The following GRID2 variants were observed in gnomAD, a reference collection of about 807,000 sequenced individuals.
GRID2 encodes the protein glutamate receptor ionotropic, delta-2.
Under a neutral mutation model 114.8 loss-of-function variants are expected in GRID2, and 33 were observed. That is an observed-to-expected ratio of 0.29 (90% confidence interval 0.22 to 0.38). GRID2 has a LOEUF of 0.38. Among genes scored for constraint, GRID2 ranks in the 10% least tolerant of loss-of-function variants. The pLI is 1.00. For synonymous variants in GRID2, 505 were observed against 449.9 expected, an observed-to-expected ratio of 1.12 and a Z score of -1.55; for missense variants, 1,184 against 1,257.7, an observed-to-expected ratio of 0.94 and a Z score of 0.89.
intron 14 of GRID2, among the ~76,000 whole-genome samples, chr4:93,736,807 A>G (rs1435667709): frequency 1.8e-5 from 2 of 111,124 alleles, no homozygotes; most frequent in Admixed American, 1.9e-4. Flanking sequence ...GCATGGCTCC[A>G]ATTTTTTTTT....
intron 14 of GRID2, among the ~76,000 whole-genome samples, chr4:93,676,637 C>G (rs1290881125): frequency 6.6e-6 from 1 of 151,316 alleles, no homozygotes; most frequent in East Asian, 1.9e-4. Context: ...ATAAAAACAC[C>G]TTCCTGTGTC....
intron 13 of GRID2, among the ~76,000 whole-genome samples, chr4:93,612,006 G>A (rs1164270573): frequency 6.6e-6 from 1 of 150,818 alleles, no homozygotes; most frequent in African/African-American, 2.4e-5. Context: ...CTCCTGTATT[G>A]GGTGCATAAA....
intron 8 of GRID2, among the ~76,000 whole-genome samples, chr4:93,367,487 T>C (rs951491792): frequency 2.0e-5 from 3 of 152,182 alleles, no homozygotes; most frequent in African/African-American, 7.2e-5. Flanking sequence ...TGAAACATTA[T>C]TGTGAAAATT....
chr4:92,711,339 C>T (rs1735237749), intron 2 of GRID2, among the ~76,000 whole-genome samples: 1 of 152,114 alleles, frequency 6.6e-6, no homozygotes, highest in African/African-American at 2.4e-5. Context: ...AAATCAACAT[C>T]TCATCTCACT....
chr4:92,740,116 C>A (rs1736801856), intron 2 of GRID2, among the ~76,000 whole-genome samples: 1 of 152,058 alleles, frequency 6.6e-6, no homozygotes, highest in Non-Finnish European at 1.5e-5. Flanking sequence ...ATTTTCTTTT[C>A]TCTGCTTTGG....
intron 8 of GRID2, among the ~76,000 whole-genome samples, chr4:93,241,802 TA>T (rs78539388): frequency 0.078 from 10,133 of 130,590 alleles, 442 homozygotes; most frequent in African/African-American, 0.15. Flanking sequence ...AGTAGAAAAG[TA>T]AAAAAAAAAA....
chr4:92,329,378 C>T (rs1209572714), intron 1 of GRID2, among the ~76,000 whole-genome samples: 1 of 151,968 alleles, frequency 6.6e-6, no homozygotes, highest in Non-Finnish European at 1.5e-5. Flanking sequence ...ATTTTAGCTT[C>T]CCCAGAGTCA....
In GRID2 at chr4:92,935,314, G is replaced by A. The variant is rs1436804770; in HGVS notation, c.245-149681G>A. Among the ~76,000 whole-genome samples the A allele has an allele frequency of 1.4e-5, 2 of 147,248 alleles. 1 individual carries two copies. The highest frequency in any genetic ancestry group is 1.5e-4 in the Admixed American group (2 of 13,666). ...CACTATCACTGGCCATCAGAGAAATGCAAATCAAAACCACAATGAGATACC... is the reference window on the plus strand; with the variant it reads ...CACTATCACTGGCCATCAGAGAAATACAAATCAAAACCACAATGAGATACC... On this transcript the variant is annotated intron_variant, in intron 2 of 15. Coordinates refer to ENST00000282020, the MANE Select transcript of GRID2 (RefSeq NM_001510.4).
intron 15 of GRID2, among the ~76,000 whole-genome samples, chr4:93,770,166 G>C (rs1054406267): frequency 5.3e-5 from 8 of 152,172 alleles, no homozygotes. Flanking sequence ...AAGAAAATCT[G>C]AAGCTAAATC....
chr4:92,494,640 G>T (rs1305182079), intron 1 of GRID2, among the ~76,000 whole-genome samples: 1 of 151,992 alleles, frequency 6.6e-6, no homozygotes, highest in African/African-American at 2.4e-5. Flanking sequence ...TGATATAATT[G>T]CTGGCACACA....
chr4:93,592,131 T>C (rs957819173), intron 13 of GRID2, among the ~76,000 whole-genome samples: 2 of 152,206 alleles, frequency 1.3e-5, no homozygotes, highest in Admixed American at 6.5e-5. Flanking sequence ...CTTTTCTAGT[T>C]CTTTTAATTG....
In GRID2 at chr4:93,755,139, G is replaced by C. The variant is rs982449656; in HGVS notation, c.2361-14071G>C. 2.6e-4 allele frequency among the ~76,000 whole-genome samples: 39 copies of C among 152,126 alleles called. 1 individual carries two copies. Among genetic ancestry groups the C allele is most frequent in the African/African-American group, 9.4e-4 (39 of 41,420 alleles). On this transcript the variant is annotated intron_variant, in intron 14 of 15. Coordinates refer to ENST00000282020, the MANE Select transcript of GRID2 (RefSeq NM_001510.4). ...GCAACGTATCCACACCATTTCATTT[G>C]TCTAGCCACATAGACACATAGAAAG...
At chr4:92,900,232 A>G (rs1747469370) in intron 2 of GRID2, among the ~76,000 whole-genome samples, 1 of 152,200 alleles carries the variant, frequency 6.6e-6, no homozygotes, top group South Asian at 2.1e-4. Flanking sequence ...CATTGCAGGA[A>G]GCTAGGGGCA....
intron 4 of GRID2, among the ~76,000 whole-genome samples, chr4:93,112,813 G>A (rs547908508): frequency 6.6e-6 from 1 of 152,112 alleles, no homozygotes; most frequent in Non-Finnish European, 1.5e-5. Context: ...GCTTGTAGAT[G>A]AATTCTTTTT....
At chr4:92,589,333 TGTGAG>T (rs578262010) in intron 1 of GRID2, among the ~76,000 whole-genome samples, 96 of 152,300 alleles carry the variant, frequency 6.3e-4, no homozygotes, top group Non-Finnish European at 1.1e-3. Flanking sequence ...GTTAGACAAA[TGTGAG>T]GTGTAGAATT....
Position 93,455,716 on chromosome 4 carries a change from G to T in GRID2, c.1600G>T (p.Val534Leu). Residue 534 changes from valine (V) to leucine (L), a missense_variant, in exon 11 of 16, where the codon GTG (valine) becomes TTG (leucine). By Grantham distance (32) the Val-to-Leu change is conservative (BLOSUM62 1). Coordinates refer to ENST00000282020, the MANE Select transcript of GRID2 (RefSeq NM_001510.4). ...LTITPDRENV[V>L]DFTTRYMDYS... ...CATCACTCCAGATCGTGAAAATGTGGTGGACTTTACGACACGTTACATGGA... is the reference window on the plus strand; with the variant it reads ...CATCACTCCAGATCGTGAAAATGTGTTGGACTTTACGACACGTTACATGGA... 1 of 1,613,050 alleles carries T rather than the reference G, an allele frequency of 6.2e-7. No homozygotes were observed.
intron 2 of GRID2, among the ~76,000 whole-genome samples, chr4:93,004,714 T>C (rs1239783869): frequency 6.6e-6 from 1 of 151,926 alleles, no homozygotes; most frequent in Non-Finnish European, 1.5e-5. Flanking sequence ...TGACTCATAT[T>C]CTCTACTCCT....
chr4:93,535,097 T>A (rs1731902702), intron 13 of GRID2, among the ~76,000 whole-genome samples: 1 of 151,990 alleles, frequency 6.6e-6, no homozygotes, highest in Non-Finnish European at 1.5e-5. Flanking sequence ...AGATTCCACA[T>A]GTAAATGAGA....
intron 2 of GRID2, among the ~76,000 whole-genome samples, chr4:92,817,969 G>A (rs765762362): frequency 1.3e-5 from 2 of 152,032 alleles, no homozygotes; most frequent in Admixed American, 6.6e-5. Flanking sequence ...TATGTTTGCC[G>A]CTAAAAACTA....
Sources: gnomAD v4.1 joint callset for allele counts (sites outside exome capture counted in the v4.1 genomes callset) on GRCh38, gnomAD v4.1.1 for gene constraint, MANE v1.5 for transcripts, NCBI Gene and HGNC (gene_info 2026-07-23, HGNC 2026-07-21) for gene names.